Variants in SGK2 observed in about 807,000 individuals in gnomAD.
The protein encoded by SGK2 is serum/glucocorticoid regulated kinase 2, also known as serine/threonine-protein kinase Sgk2.
Under a neutral mutation model 47.5 loss-of-function variants are expected in SGK2, and 36 were observed. The observed-to-expected ratio is 0.76, with a 90% confidence interval of 0.58 to 1.00. SGK2 has a LOEUF of 1.00. SGK2 is among the 50% of genes least tolerant of loss of function. SGK2 has a pLI of 0.00. For synonymous variants in SGK2, 157 were observed against 181.9 expected, an observed-to-expected ratio of 0.86 and a Z score of 1.10; for missense variants, 404 against 467.4, an observed-to-expected ratio of 0.86 and a Z score of 1.25.
At chr20:43,574,054 C>G (rs1980318247) in intron 9 of SGK2, among the ~76,000 whole-genome samples, 2 of 152,144 alleles carry the variant, frequency 1.3e-5, no homozygotes, top group South Asian at 4.1e-4. Flanking sequence ...GATTTGGTAT[C>G]TTCACATTTT....
chr20:43,573,404 G>A (rs1469533154), intron 9 of SGK2, among the ~76,000 whole-genome samples: 1 of 150,066 alleles, frequency 6.7e-6, no homozygotes, highest in African/African-American at 2.5e-5. Context: ...CAGGAGAATC[G>A]CTTGAACCTG....
At position 43,572,214 on chromosome 20, in the gene SGK2, C is replaced by T. The variant is rs1980184890; in HGVS notation, c.597+77C>T. On this transcript the variant is annotated intron_variant, in intron 9 of 12. Transcript: ENST00000373100. This position sits in a 1 kb window ranked among gnomAD's most constrained non-coding sequence, Gnocchi z 4.2. ...GCTCCTGATTAGAGCCAACAGGTTA[C>T]AGTGAAGGGGACTCACTCCTTTGAC... The T allele has an allele frequency of 9.2e-6, 10 of 1,092,604 alleles. No homozygotes were observed. Among genetic ancestry groups the T allele is most frequent in the Non-Finnish European group, 1.4e-5 (10 of 732,558 alleles). The allele number at this position is 1,092,604 out of a possible 1,614,324, so 67.7% of individuals were successfully genotyped here. A position where few individuals can be genotyped will look rare whatever the true frequency, so the allele number is the denominator to read the frequency against.
chr20:43,578,766 T>A (rs1980615691), intron 11 of SGK2, among the ~76,000 whole-genome samples: 1 of 152,122 alleles, frequency 6.6e-6, no homozygotes, highest in Non-Finnish European at 1.5e-5. Context: ...GTAACAACAG[T>A]TAGGGCATCT....
At chr20:43,561,272 A>G (rs562360594) in intron 1 of SGK2, among the ~76,000 whole-genome samples, 1 of 152,302 alleles carries the variant, frequency 6.6e-6, no homozygotes, top group South Asian at 2.1e-4. Flanking sequence ...AGGGACAGCA[A>G]GAGAAAGGAG....
At chr20:43,573,369 A>T (rs1280568378) in intron 9 of SGK2, among the ~76,000 whole-genome samples, 1 of 151,826 alleles carries the variant, frequency 6.6e-6, no homozygotes, top group Non-Finnish European at 1.5e-5. Flanking sequence ...GGCACCTGTA[A>T]TCCCAGCTAC....
chr20:43,584,782 C>A, intron 12 of SGK2, 70 bp from the exon 13 acceptor site: 1 of 1,298,130 alleles, frequency 7.7e-7, no homozygotes, highest in Non-Finnish European at 1.1e-6. Context: ...ACATCCCTCT[C>A]TGAGGATCTG....
rs1979822284 is a variant in SGK2 at position 43,567,696 on chromosome 20, G to T, written c.118G>T (p.Val40Phe). The T allele has an allele frequency of 2.5e-6, 4 of 1,614,184 alleles. No individual in the cohort carries two copies. The highest frequency in any genetic ancestry group is 3.4e-6 in the Non-Finnish European group (4 of 1,180,038). The change falls in exon 4 of 13, where the codon GTC becomes TTC. Residue 40 changes from valine to phenylalanine, a missense_variant. Val to Phe is a conservative substitution (Grantham distance 50, BLOSUM62 -1). Transcript: ENST00000373100. Reference sequence around the variant, plus strand: ...GCCCACGGACTTCGACTTCCTCAAAGTCATCGGCAAAGGGAACTACGGGAA... The same window carrying T: ...GCCCACGGACTTCGACTTCCTCAAATTCATCGGCAAAGGGAACTACGGGAA... ...AQPTDFDFLK[V>F]IGKGNYGKVL... is the part of the protein sequence containing the mutation.
chr20:43,566,806 G>A (rs73618902), intron 2 of SGK2, among the ~76,000 whole-genome samples: 11,738 of 145,328 alleles, frequency 0.081, 659 homozygotes, highest in East Asian at 0.26. Context: ...CAGTTTCCTC[G>A]CCTATTCAAT....
At chr20:43,562,899 G>A (rs958429366) in intron 1 of SGK2, among the ~76,000 whole-genome samples, 11 of 151,954 alleles carry the variant, frequency 7.2e-5, no homozygotes, top group African/African-American at 1.7e-4. Flanking sequence ...TTGGGAGGCC[G>A]AGGCAGGCAG....
At chr20:43,569,012 A>G (rs1979919766) in intron 5 of SGK2, among the ~76,000 whole-genome samples, 1 of 152,210 alleles carries the variant, frequency 6.6e-6, no homozygotes, top group African/African-American at 2.4e-5. Context: ...TGCGACATCC[A>G]GGAAGAGGAA....
In SGK2 at chr20:43,584,900, G is replaced by A; in HGVS notation, c.988G>A (p.Ala330Thr). 6.2e-7 allele frequency: 1 copy of A among 1,614,120 alleles called. No homozygotes were observed. Among genetic ancestry groups the A allele is most frequent in the Non-Finnish European group, 8.5e-7 (1 of 1,179,994 alleles). ...KHFDPEFTQE[A>T]VSKSIGCTPD... The stretch of plus-strand genomic sequence containing the variant: ...TTTTGACCCAGAGTTCACCCAGGAA[G>A]CTGTGTCCAAGTCCATTGGCTGTAC... Residue 330 changes from alanine (A) to threonine (T), a missense_variant, in exon 13 of 13, where the codon GCT (alanine) becomes ACT (threonine). Physicochemically the swap from Ala to Thr is moderately conservative, Grantham distance 58. Coordinates refer to ENST00000373100, the MANE Select transcript of SGK2 (RefSeq NM_170693.3).
At chr20:43,568,713 C>T (rs995846604) in intron 5 of SGK2, among the ~76,000 whole-genome samples, 7 of 152,116 alleles carry the variant, frequency 4.6e-5, no homozygotes, top group African/African-American at 1.2e-4. Flanking sequence ...TCAAGAGATC[C>T]GCTGGCCTCA....
chr20:43,567,372 G>A (rs1416144951), intron 3 of SGK2, among the ~76,000 whole-genome samples: 3 of 152,178 alleles, frequency 2.0e-5, no homozygotes, highest in Non-Finnish European at 2.9e-5. Context: ...GAGGGGCTTT[G>A]GGTACCAGAA....
intron 1 of SGK2, among the ~76,000 whole-genome samples, chr20:43,564,092 CCCCTCGGGATCCTGGGGA>C (rs1228789858): frequency 6.6e-6 from 1 of 152,230 alleles, no homozygotes; most frequent in African/African-American, 2.4e-5. Context: ...CATCTGCCTA[CCCCTCGGGATCCTGGGGA>C]GAGGAAGGGA....
chr20:43,572,296 A>G lies in SGK2; in HGVS notation c.597+159A>G, dbSNP rs72626512. On this transcript the variant is annotated intron_variant, in intron 9 of 12. Transcript: ENST00000373100. This position sits in a 1 kb window ranked among gnomAD's most constrained non-coding sequence, Gnocchi z 4.2. Reference sequence around the variant, plus strand: ...GAACTGTGGTTTCCTCATCTATGTAATGGGGGTACCAGCTCTAGGACTGCT... The same window carrying G: ...GAACTGTGGTTTCCTCATCTATGTAGTGGGGGTACCAGCTCTAGGACTGCT... Among the ~76,000 whole-genome samples the G allele has an allele frequency of 0.12, 18,325 of 152,184 alleles. 1,387 individuals carry two copies. Among genetic ancestry groups the G allele is most frequent in the African/African-American group, 0.22 (8,969 of 41,522 alleles).
intron 9 of SGK2, 29 bp from the exon 10 acceptor site, chr20:43,574,880 T>C (rs1980368037): frequency 6.3e-7 from 1 of 1,585,378 alleles, no homozygotes; most frequent in Non-Finnish European, 8.7e-7. Flanking sequence ...TAACGACTTA[T>C]TTCAAATAAG....
chr20:43,579,886 G>A, intron 11 of SGK2, 86 bp from the exon 12 acceptor site: 1 of 831,500 alleles, frequency 1.2e-6, no homozygotes, highest in East Asian at 2.4e-5. Flanking sequence ...GTTGCTTGTG[G>A]AGCTCTGGAG....
At chr20:43,570,582 C>A (rs1463446618) in intron 6 of SGK2, 35 bp from the exon 7 acceptor site, 1 of 1,457,396 alleles carries the variant, frequency 6.9e-7, no homozygotes, top group Non-Finnish European at 9.5e-7. Context: ...CAGCAGCCAC[C>A]CAATAACTCC....
At chr20:43,568,707 G>C (rs942839734) in intron 5 of SGK2, among the ~76,000 whole-genome samples, 15 of 152,180 alleles carry the variant, frequency 9.9e-5, no homozygotes, top group South Asian at 2.1e-4. Flanking sequence ...CTGGCCTCAA[G>C]AGATCCGCTG....
Sources: gnomAD v4.1 joint callset for allele counts (sites outside exome capture counted in the v4.1 genomes callset) on GRCh38, gnomAD v4.1.1 for gene constraint, Gnocchi (gnomAD v3.1) non-coding constraint, MANE v1.5 for transcripts, NCBI Gene and HGNC (gene_info 2026-07-23, HGNC 2026-07-21) for gene names.